The following TUBGCP2 variants were observed in gnomAD, a reference collection of about 807,000 sequenced individuals.
The protein encoded by TUBGCP2 is tubulin gamma complex component 2, also known as gamma-tubulin complex component 2.
TUBGCP2 carries 55 observed loss-of-function variants against 92.2 expected under a neutral mutation model. That is an observed-to-expected ratio of 0.60 (90% CI 0.48 to 0.75). The LOEUF (loss-of-function observed/expected upper bound fraction) is 0.75. TUBGCP2 is among the 30% of genes least tolerant of loss of function. The probability of loss-of-function intolerance (pLI) is 0.00; values close to 1 mark genes in which losing one functional copy is unlikely to be tolerated. For synonymous variants in TUBGCP2, 533 were observed against 505.2 expected (o/e 1.06, Z -0.74); for missense variants, 1,093 against 1,188.9 (o/e 0.92, Z 1.19).
chr10:133,296,600 C>T (rs962187543), intron 5 of TUBGCP2, among the ~76,000 whole-genome samples: 5 of 152,110 alleles, frequency 3.3e-5, no homozygotes, highest in African/African-American at 1.2e-4. Context: ...ACCTCAGCCT[C>T]CTGAGTAGCT....
At position 133,283,688 on chromosome 10, in the gene TUBGCP2, GCATTCCCTGCCTCTCCC is replaced by G. The variant is rs1311558363; in HGVS notation, c.2145+177_2145+193del. ...TCTCCCTGCACTCCCTGCCTCTCCCGCATTCCCTGCCTCTCCCGCACGCCCTGCCTCTCCCGCACTCC... is the reference window on the plus strand; with the variant it reads ...TCTCCCTGCACTCCCTGCCTCTCCCGGCACGCCCTGCCTCTCCCGCACTCC... On this transcript the variant is annotated intron_variant, in intron 14 of 17. Coordinates refer to ENST00000252936, the MANE Select transcript of TUBGCP2 (RefSeq NM_006659.4). Among the ~76,000 whole-genome samples, 30 of 6,308 alleles carry G rather than the reference GCATTCCCTGCCTCTCCC, an allele frequency of 4.8e-3. No individual in the cohort carries two copies. In the East Asian group the frequency reaches 0.15, roughly 32 times the overall value. The allele number at this position is 6,308 out of a possible 152,430, so 4.1% of individuals were successfully genotyped here.
Position 133,293,561 on chromosome 10 carries a change from C to T in TUBGCP2, c.824+1G>A. 6.4e-7 allele frequency: 1 copy of T among 1,551,396 alleles called. No homozygotes were observed. The highest frequency in any genetic ancestry group is 1.7e-4 in the Middle Eastern group (1 of 5,952). ...TCCCAGGGACCGCGCCCGGTGCCCACCTGGTCACAGCGGAGTAGCTGGCGG... is the reference window on the plus strand; with the variant it reads ...TCCCAGGGACCGCGCCCGGTGCCCATCTGGTCACAGCGGAGTAGCTGGCGG... On this transcript the variant is annotated splice_donor_variant, in intron 6 of 17. Transcript: ENST00000252936. LOFTEE classifies it high-confidence loss of function.
intron 15 of TUBGCP2, among the ~76,000 whole-genome samples, chr10:133,282,739 G>A (rs1847014931): frequency 6.6e-6 from 1 of 152,222 alleles, no homozygotes; most frequent in African/African-American, 2.4e-5. Context: ...AGCTGCTTGT[G>A]ACTAGTGCCT....
At chr10:133,298,562 C>T (rs1847545312) in intron 4 of TUBGCP2, among the ~76,000 whole-genome samples, 1 of 152,264 alleles carries the variant, frequency 6.6e-6, no homozygotes, top group Admixed American at 6.5e-5. Flanking sequence ...GAGAAGGGCC[C>T]CAGCGTGACA....
upstream of TUBGCP2, among the ~76,000 whole-genome samples, chr10:133,311,362 G>A (rs566411531): frequency 2.0e-4 from 30 of 152,256 alleles, no homozygotes; most frequent in East Asian, 5.4e-3. Flanking sequence ...TAAGACATTC[G>A]TATTATGGAA....
chr10:133,310,201 A>T (rs780621434), upstream of TUBGCP2: 1 of 1,614,058 alleles, frequency 6.2e-7, no homozygotes, highest in East Asian at 2.2e-5. Flanking sequence ...GAGAAGTTCA[A>T]GACCAGCAGA....
In TUBGCP2 at chr10:133,307,167, T is replaced by C. The variant is rs75063270; in HGVS notation, c.-40+1656A>G. On this transcript the variant is annotated intron_variant, in intron 1 of 17. Transcript: ENST00000252936. ...TGCTTCTTGGAGGAACGTCTAGCCA[T>C]GGCCGCTGACTTGGCCTTCTTGATG... is the stretch of plus-strand genomic sequence containing the variant. Among the ~76,000 whole-genome samples the C allele has an allele frequency of 3.1e-3, 471 of 152,366 alleles. 5 individuals carry two copies. The highest frequency in any genetic ancestry group is 0.017 in the Middle Eastern group (5 of 294).
rs768784067 is a variant in TUBGCP2, at chr10:133,299,595, C to A, written c.288G>T (p.Gln96His). The A allele has an allele frequency of 6.2e-7, 1 of 1,605,944 alleles. No homozygotes were observed. The highest frequency in any genetic ancestry group is 1.7e-5 in the Admixed American group (1 of 59,172). ...SKLTEDKETL[Q>H]YLQQNAKERA... Reference sequence around the variant, plus strand: ...TTTCTTTTGCATTCTGTTGTAAGTACTGCAGAGTCTGAAAACATGTAAAAC... The same window carrying A: ...TTTCTTTTGCATTCTGTTGTAAGTAATGCAGAGTCTGAAAACATGTAAAAC... The change falls in exon 4 of 18, where the codon CAG (glutamine) becomes CAT (histidine). Residue 96 changes from glutamine (Q) to histidine (H), a missense_variant. Transcript: ENST00000252936.
chr10:133,288,408 C>T (rs3008341), intron 10 of TUBGCP2, 99 bp from the exon 11 acceptor site: 28 of 1,277,520 alleles, frequency 2.2e-5, no homozygotes, highest in Admixed American at 8.8e-5. Context: ...GTGCCCGCCA[C>T]AGCCAGGGAG....
chr10:133,289,083 T>G, intron 9 of TUBGCP2, 63 bp from the exon 10 acceptor site: 7 of 1,557,040 alleles, frequency 4.5e-6, no homozygotes, highest in African/African-American at 2.7e-5. Context: ...CCAGCTGTCT[T>G]TGTCTACACA....
At chr10:133,310,462 G>A (rs1209705128), upstream of TUBGCP2, 7 of 822,030 alleles carry the variant, frequency 8.5e-6, no homozygotes, top group Admixed American at 2.8e-5. Flanking sequence ...TTGTGCCAGC[G>A]GCCACCCTGC....
At chr10:133,283,717 C>G (rs1248935531) in intron 14 of TUBGCP2, among the ~76,000 whole-genome samples, 165 bp downstream of exon 14, 1 of 86,010 alleles carries the variant, frequency 1.2e-5, no homozygotes, top group South Asian at 5.1e-4. Flanking sequence ...CACGCCCTGC[C>G]TCTCCCGCAC....
Position 133,293,216 on chromosome 10 carries a change from AG to A in TUBGCP2, c.846del (p.Phe283SerfsTer6). 1 of 1,613,730 alleles carries A rather than the reference AG, an allele frequency of 6.2e-7. No individual in the cohort carries two copies. Among genetic ancestry groups the A allele is most frequent in the Non-Finnish European group, 8.5e-7 (1 of 1,180,026 alleles). ...AVTRFIEEKS[S>X]FEYGQVNHAL... ...GCGTGGTTCACCTGCCCGTACTCGA[AG>A]GAAGACTTCTCTTCAATGAACCTGG... On this transcript the variant is annotated frameshift_variant, in exon 7 of 18. Transcript: ENST00000252936. LOFTEE classifies it high-confidence loss of function.
intron 8 of TUBGCP2, 22 bp downstream of exon 8, chr10:133,292,475 TCC>T (rs111862276): frequency 1.3e-6 from 1 of 794,530 alleles, no homozygotes; most frequent in Non-Finnish European, 1.6e-6. Flanking sequence ...TCCCTCCGTG[TCC>T]CCGTGTCCCG....
In TUBGCP2 at chr10:133,285,332, A is replaced by G; in HGVS notation, c.1896-119T>C. The G allele has an allele frequency of 1.9e-6, 3 of 1,588,402 alleles. No individual in the cohort carries two copies. Among genetic ancestry groups the G allele is most frequent in the Non-Finnish European group, 2.6e-6 (3 of 1,169,532 alleles). ...CGGACAGCCCGTGAATCTCTCGGAC[A>G]CTGAAGGCCGGGGAGAGCCGCCTTG... On this transcript the variant is annotated intron_variant, in intron 12 of 17. Coordinates refer to ENST00000252936, the MANE Select transcript of TUBGCP2 (RefSeq NM_006659.4). This position sits in a 1 kb window ranked among gnomAD's most constrained non-coding sequence, Gnocchi z 6.8.
Position 133,282,211 on chromosome 10 carries a change from G to A in TUBGCP2, c.2409+12C>T, listed in dbSNP as rs776272586. On this transcript the variant is annotated intron_variant, in intron 16 of 17. Transcript: ENST00000252936. ...AAGCGTCTCTCTCTGGCCAAACCTG[G>A]AGGCCACGCACCTTCCTGGCGAGCT... is the stretch of plus-strand genomic sequence containing the variant. The A allele has an allele frequency of 5.6e-5, 91 of 1,611,562 alleles. No individual in the cohort carries two copies. The highest frequency in any genetic ancestry group is 1.9e-4 in the Middle Eastern group (1 of 5,240).
chr10:133,310,430 C>T (rs1041934846), upstream of TUBGCP2: 46 of 1,073,016 alleles, frequency 4.3e-5, no homozygotes, highest in Non-Finnish European at 6.0e-5. Context: ...ACCTGAAGCC[C>T]TGGCAACACA....
At position 133,289,056 on chromosome 10, in the gene TUBGCP2, A is replaced by AT. The variant is rs1564937466; in HGVS notation, c.1361-37dup. The AT allele has an allele frequency of 1.9e-6, 3 of 1,591,466 alleles. No homozygotes were observed. In the East Asian group the frequency reaches 6.7e-5, roughly 36 times the overall value. On this transcript the variant is annotated intron_variant, in intron 9 of 17. Transcript: ENST00000252936. ...AGAAATTCAAAATTTTATTCTCCAC[A>AT]TGGTCGATCTCAGGCCCCAGCTGTC...
At position 133,288,978 on chromosome 10, in the gene TUBGCP2, G is replaced by A. The variant is rs1404850764; in HGVS notation, c.1403C>T (p.Thr468Ile). ...GATGATCTCTTTAGCCACCGGGCAG[G>A]TGACGTCATGGCCACACTCTCTGAC... ...NVVRECGHDV[T>I]CPVAKEIIYT... Residue 468 changes from threonine (T) to isoleucine (I), a missense_variant, in exon 10 of 18, where the codon ACC (threonine) becomes ATC (isoleucine). Thr to Ile is a moderately conservative substitution (Grantham distance 89). Coordinates refer to ENST00000252936, the MANE Select transcript of TUBGCP2 (RefSeq NM_006659.4). 6.2e-7 allele frequency: 1 copy of A among 1,614,014 alleles called. No homozygotes were observed. Among genetic ancestry groups the A allele is most frequent in the South Asian group, 1.1e-5 (1 of 91,076 alleles).
Sources: allele counts gnomAD v4.1 joint callset (sites outside exome capture counted in the v4.1 genomes callset), GRCh38; gene constraint gnomAD v4.1.1; non-coding constraint Gnocchi (gnomAD v3.1); transcripts MANE v1.5; gene names NCBI Gene and HGNC (gene_info 2026-07-23, HGNC 2026-07-21).